Variants in ETV6 observed in about 807,000 individuals in gnomAD.
ETV6 encodes the protein ETS variant transcription factor 6.
A neutral mutation model predicts 51.1 loss-of-function variants in ETV6; 16 were observed. That is an observed-to-expected ratio of 0.31 (90% CI 0.21 to 0.48). ETV6 has a LOEUF of 0.48. Among genes scored for constraint, ETV6 ranks in the 20% least tolerant of loss-of-function variants. The pLI, the probability that ETV6 is intolerant of heterozygous loss-of-function variation, is 0.99. For synonymous variants in ETV6, 240 were observed against 224.1 expected (o/e 1.07, Z -0.64); for missense variants, 458 against 594.8 (o/e 0.77, Z 2.39).
At chr12:11,773,065 A>G (rs1945265973) in intron 2 of ETV6, among the ~76,000 whole-genome samples, 1 of 151,800 alleles carries the variant, frequency 6.6e-6, no homozygotes, top group Non-Finnish European at 1.5e-5. Context: ...GTGGTGGCGG[A>G]CACCTGTAGT....
chr12:11,654,024 G>A (rs1339058217), intron 1 of ETV6, among the ~76,000 whole-genome samples: 4 of 152,080 alleles, frequency 2.6e-5, no homozygotes, highest in African/African-American at 9.7e-5. Flanking sequence ...ATGTTGGCAA[G>A]GCTGGTCTTG....
intron 2 of ETV6, among the ~76,000 whole-genome samples, chr12:11,824,612 C>A (rs1342557218): frequency 6.6e-6 from 1 of 152,174 alleles, no homozygotes; most frequent in Admixed American, 6.5e-5. Context: ...AACCCCGTCT[C>A]TACTAAAAAG....
chr12:11,721,328 G>A (rs1230068805), intron 1 of ETV6, among the ~76,000 whole-genome samples: 1 of 152,170 alleles, frequency 6.6e-6, no homozygotes, highest in Non-Finnish European at 1.5e-5. Context: ...CACATCAACA[G>A]TGGATTTGAT....
intron 1 of ETV6, chr12:11,716,569 T>G (rs1865284899): frequency 1.3e-5 from 2 of 152,214 alleles, no homozygotes; most frequent in African/African-American, 4.8e-5. Flanking sequence ...AGTTCCTTTC[T>G]TCTGCCCTCT....
intron 2 of ETV6, among the ~76,000 whole-genome samples, chr12:11,815,365 T>G (rs1419794024): frequency 6.6e-6 from 1 of 152,186 alleles, no homozygotes; most frequent in Non-Finnish European, 1.5e-5. Context: ...CATACCCTAA[T>G]AGAATAGGAT....
intron 1 of ETV6, among the ~76,000 whole-genome samples, chr12:11,655,200 G>A (rs1307270244): frequency 6.6e-6 from 1 of 152,094 alleles, no homozygotes; most frequent in African/African-American, 2.4e-5. Flanking sequence ...ATGAAGCCCC[G>A]TAAGGTGTGC....
Position 11,893,458 on chromosome 12 carries a change from T to C in ETV6, c.*2412T>C, listed in dbSNP as rs1947328770. 4.3e-6 allele frequency: 1 copy of C among 231,654 alleles called. No homozygotes were observed. The highest frequency in any genetic ancestry group is 8.5e-6 in the Non-Finnish European group (1 of 117,158). The allele number at this position is 231,654 out of a possible 1,614,324, so 14.3% of individuals were successfully genotyped here. On this transcript the variant is annotated 3_prime_UTR_variant, in exon 8 of 8. Coordinates refer to ENST00000396373, the MANE Select transcript of ETV6 (RefSeq NM_001987.5). Reference sequence around the variant, plus strand: ...GGAGAATATGTTAGACTTAGGATGATACCTTCAGCCACTTGAAGAAGAAAT... The same window carrying C: ...GGAGAATATGTTAGACTTAGGATGACACCTTCAGCCACTTGAAGAAGAAAT...
intron 1 of ETV6, among the ~76,000 whole-genome samples, chr12:11,705,659 C>G (rs181394767): frequency 2.5e-4 from 38 of 152,294 alleles, no homozygotes; most frequent in Admixed American, 2.5e-3. Flanking sequence ...AAACAAAATA[C>G]TAGAAGAAAA....
chr12:11,889,830 G>GA (rs1254071411), intron 7 of ETV6, among the ~76,000 whole-genome samples: 1 of 152,200 alleles, frequency 6.6e-6, no homozygotes, highest in East Asian at 1.9e-4. Flanking sequence ...AGGAATGAGA[G>GA]AAAATGTAAG....
At chr12:11,657,708 A>G (rs1179644383) in intron 1 of ETV6, among the ~76,000 whole-genome samples, 1 of 152,200 alleles carries the variant, frequency 6.6e-6, no homozygotes, top group Non-Finnish European at 1.5e-5. Context: ...CATTTCCTGA[A>G]TGACCCAAAA....
intron 3 of ETV6, among the ~76,000 whole-genome samples, chr12:11,850,189 C>A (rs1946529298): frequency 6.6e-6 from 1 of 152,132 alleles, no homozygotes; most frequent in Non-Finnish European, 1.5e-5. Flanking sequence ...GTCCACTTGA[C>A]CCGCCCCTCC....
At chr12:11,675,769 A>G (rs1162334012) in intron 1 of ETV6, among the ~76,000 whole-genome samples, 1 of 152,144 alleles carries the variant, frequency 6.6e-6, no homozygotes, top group African/African-American at 2.4e-5. Context: ...AGCTATGATC[A>G]TGCCACTGTA....
chr12:11,861,568 G>C (rs1326738923), intron 4 of ETV6, among the ~76,000 whole-genome samples: 5 of 152,162 alleles, frequency 3.3e-5, no homozygotes, highest in Admixed American at 3.3e-4. Flanking sequence ...TAGCCCTAGG[G>C]CTAGCGTGCT....
intron 1 of ETV6, among the ~76,000 whole-genome samples, chr12:11,684,681 G>A (rs890034107): frequency 1.3e-5 from 2 of 152,110 alleles, no homozygotes; most frequent in Non-Finnish European, 2.9e-5. Context: ...TTCAGGTTGT[G>A]TCTTTAACAG....
At position 11,836,448 on chromosome 12, in the gene ETV6, T is replaced by C. The variant is rs181508121; in HGVS notation, c.164-2692T>C. On this transcript the variant is annotated intron_variant, in intron 2 of 7. Transcript: ENST00000396373. Reference sequence around the variant, plus strand: ...TCTCCCCTGTAACTTGCTGGGTTCCTCTTGTACATAAGCCGAGGGCATTTG... The same window carrying C: ...TCTCCCCTGTAACTTGCTGGGTTCCCCTTGTACATAAGCCGAGGGCATTTG... 2.0e-5 allele frequency among the ~76,000 whole-genome samples: 3 copies of C among 152,298 alleles called. No homozygotes were observed. The East Asian group carries it at 5.8e-4, about 29-fold the overall frequency.
chr12:11,668,677 G>C (rs1249137046), intron 1 of ETV6, among the ~76,000 whole-genome samples: 2 of 152,152 alleles, frequency 1.3e-5, no homozygotes, highest in African/African-American at 4.8e-5. Context: ...AAGTTGCAAG[G>C]ACACTTAAGC....
At chr12:11,733,004 A>G (rs905076350) in intron 1 of ETV6, among the ~76,000 whole-genome samples, 1 of 152,168 alleles carries the variant, frequency 6.6e-6, no homozygotes, top group Non-Finnish European at 1.5e-5. Context: ...ACTGTGTGAC[A>G]TTGGGAAGCC....
At chr12:11,837,441 A>G (rs182408885) in intron 2 of ETV6, among the ~76,000 whole-genome samples, 3 of 152,298 alleles carry the variant, frequency 2.0e-5, no homozygotes, top group East Asian at 1.9e-4. Flanking sequence ...GAGGAAGCCA[A>G]CTACCATTCC....
chr12:11,785,017 C>T (rs765340201), intron 2 of ETV6, among the ~76,000 whole-genome samples: 2 of 151,784 alleles, frequency 1.3e-5, no homozygotes, highest in Non-Finnish European at 2.9e-5. Flanking sequence ...GGGACTTTGG[C>T]TTGTATTAAT....
Sources: gnomAD v4.1 joint callset for allele counts (sites outside exome capture counted in the v4.1 genomes callset) on GRCh38, gnomAD v4.1.1 for gene constraint, MANE v1.5 for transcripts, NCBI Gene and HGNC (gene_info 2026-07-23, HGNC 2026-07-21) for gene names.